EPHA6: variants seen among roughly 807,000 people sequenced by gnomAD.
EPHA6 encodes ephrin type-A receptor 6.
Under a neutral mutation model 112.0 loss-of-function variants are expected in EPHA6, and 50 were observed. That is an observed-to-expected ratio of 0.45 (90% confidence interval 0.36 to 0.56). EPHA6 has a LOEUF of 0.56. Ranked by LOEUF, EPHA6 falls within the 20% of genes least tolerant of loss-of-function variation. The pLI is 0.00. For missense variants in EPHA6, 1,280 were observed against 1,417.4 expected (o/e 0.90, Z 1.56); for synonymous variants, 529 against 490.7 (o/e 1.08, Z -1.03).
chr3:97,271,111 C>G (rs1218504424), intron 5 of EPHA6, among the ~76,000 whole-genome samples: 1 of 152,104 alleles, frequency 6.6e-6, no homozygotes, highest in African/African-American at 2.4e-5. Context: ...AATTTATATC[C>G]AAACAGACAT....
chr3:96,972,279 A>G (rs561138968), intron 2 of EPHA6, among the ~76,000 whole-genome samples: 1 of 152,238 alleles, frequency 6.6e-6, no homozygotes, highest in African/African-American at 2.4e-5. Context: ...TTAGTCTATA[A>G]CTGGGATCTG....
At chr3:97,624,845 A>C (rs1361162193) in intron 13 of EPHA6, among the ~76,000 whole-genome samples, 1 of 151,450 alleles carries the variant, frequency 6.6e-6, no homozygotes, top group African/African-American at 2.4e-5. Flanking sequence ...ACATACAATC[A>C]TTTATAGTAC....
intron 5 of EPHA6, among the ~76,000 whole-genome samples, chr3:97,334,516 G>A (rs1234738996): frequency 1.0e-5 from 1 of 96,678 alleles, no homozygotes; most frequent in Non-Finnish European, 2.0e-5. Flanking sequence ...ACTTTTCTCT[G>A]TCCCCCAGGC....
intron 9 of EPHA6, among the ~76,000 whole-genome samples, chr3:97,483,481 G>T (rs1295543201): frequency 1.3e-5 from 2 of 152,134 alleles, no homozygotes; most frequent in African/African-American, 4.8e-5. Flanking sequence ...TCTGGAAAAG[G>T]GGGAGACCAC....
intron 6 of EPHA6, among the ~76,000 whole-genome samples, chr3:97,423,304 C>A (rs1274253884): frequency 6.6e-6 from 1 of 152,136 alleles, no homozygotes; most frequent in Non-Finnish European, 1.5e-5. Flanking sequence ...ATTTCAACAA[C>A]TTTCAGTATA....
intron 3 of EPHA6, among the ~76,000 whole-genome samples, chr3:97,209,042 A>C (rs918242372): frequency 3.9e-5 from 6 of 152,182 alleles, no homozygotes; most frequent in Non-Finnish European, 8.8e-5. Flanking sequence ...TTTGACTAAT[A>C]AGTGTACATT....
At chr3:96,953,351 A>T (rs762404266) in intron 2 of EPHA6, among the ~76,000 whole-genome samples, 5 of 152,126 alleles carry the variant, frequency 3.3e-5, no homozygotes, top group Non-Finnish European at 4.4e-5. Flanking sequence ...CCAGAATTGT[A>T]TTTGTTTCTA....
chr3:97,596,240 C>G (rs1275399831), intron 12 of EPHA6, among the ~76,000 whole-genome samples: 1 of 152,160 alleles, frequency 6.6e-6, no homozygotes, highest in African/African-American at 2.4e-5. Flanking sequence ...TAAGCTTGCT[C>G]TCTTTGCTCC....
chr3:96,956,827 GT>G (rs1266656507), intron 2 of EPHA6, among the ~76,000 whole-genome samples: 1 of 152,130 alleles, frequency 6.6e-6, no homozygotes, highest in African/African-American at 2.4e-5. Context: ...GAGGTCCGGA[GT>G]TCGAGACCAG....
rs1312693545 is a variant in EPHA6, at chr3:97,761,089, A to G, written c.*12388A>G. 4.8e-6 allele frequency: 1 copy of G among 207,508 alleles called. No homozygotes were observed. Among genetic ancestry groups the G allele is most frequent in the Non-Finnish European group, 9.8e-6 (1 of 101,724 alleles). 12.9% of individuals were successfully genotyped at this position (207,508 alleles called of 1,614,324 possible). Reference sequence around the variant, plus strand: ...TCACAATATGGTAGAGCTATAAACAAGGTAAAAAGGTGTTAACAATTGAAC... The same window carrying G: ...TCACAATATGGTAGAGCTATAAACAGGGTAAAAAGGTGTTAACAATTGAAC... On this transcript the variant is annotated 3_prime_UTR_variant, in exon 18 of 18. Transcript: ENST00000389672.
At chr3:97,257,641 T>C (rs1011363820) in intron 5 of EPHA6, among the ~76,000 whole-genome samples, 1 of 152,056 alleles carries the variant, frequency 6.6e-6, no homozygotes, top group Admixed American at 6.6e-5. Flanking sequence ...ACTTTAAAAT[T>C]ATTATACTCT....
At chr3:97,068,896 A>T (rs2046267017) in intron 3 of EPHA6, among the ~76,000 whole-genome samples, 1 of 152,172 alleles carries the variant, frequency 6.6e-6, no homozygotes. Flanking sequence ...CTGATTTCAG[A>T]CTTCCAGCCT....
chr3:97,462,722 A>G (rs553193931), intron 7 of EPHA6, among the ~76,000 whole-genome samples: 1 of 152,312 alleles, frequency 6.6e-6, no homozygotes, highest in South Asian at 2.1e-4. Context: ...TATTGGATAG[A>G]CACAGTTTTG....
At chr3:97,591,393 T>C (rs1388463666) in intron 11 of EPHA6, among the ~76,000 whole-genome samples, 1 of 152,160 alleles carries the variant, frequency 6.6e-6, no homozygotes, top group Non-Finnish European at 1.5e-5. Flanking sequence ...AGAATTTGTG[T>C]CAAGATACAA....
intron 3 of EPHA6, among the ~76,000 whole-genome samples, chr3:97,183,872 T>G (rs1055728862): frequency 6.6e-6 from 1 of 152,150 alleles, no homozygotes; most frequent in African/African-American, 2.4e-5. Context: ...CTGATATGCC[T>G]TTTACAGCAG....
intron 14 of EPHA6, among the ~76,000 whole-genome samples, chr3:97,702,248 A>G (rs1385283560): frequency 1.3e-5 from 2 of 152,194 alleles, no homozygotes; most frequent in Non-Finnish European, 2.9e-5. Flanking sequence ...TGTGAAGATC[A>G]ATGTGTTAGA....
rs749544921 is a variant in EPHA6, at chr3:96,814,640, C to T, written c.17C>T (p.Pro6Leu). 38 of 1,473,028 alleles carry T rather than the reference C, an allele frequency of 2.6e-5. No homozygotes were observed. In the South Asian group the frequency reaches 5.2e-4, roughly 20 times the overall value. 91.2% of individuals were successfully genotyped at this position (1,473,028 alleles called of 1,614,324 possible). Residue 6 changes from proline to leucine, a missense_variant, in exon 1 of 18, where the codon CCT becomes CTT. Physicochemically the swap from Pro to Leu is moderately conservative, Grantham distance 98. Coordinates refer to ENST00000389672, the MANE Select transcript of EPHA6 (RefSeq NM_001080448.3). The part of the protein sequence containing the change: MQFPS[P>L]PAARSSPAPQ... ...CTGTGGTGGATGCAATTCCCCTCGC[C>T]TCCAGCCGCGAGGAGCTCCCCGGCG...
chr3:97,382,696 A>G (rs1051694592), intron 5 of EPHA6, among the ~76,000 whole-genome samples: 6 of 152,048 alleles, frequency 3.9e-5, no homozygotes, highest in African/African-American at 1.4e-4. Flanking sequence ...ATACAAAAAG[A>G]GACTTTATGA....
chr3:97,039,139 C>G (rs1160091477), intron 3 of EPHA6, among the ~76,000 whole-genome samples: 1 of 151,904 alleles, frequency 6.6e-6, no homozygotes, highest in African/African-American at 2.4e-5. Context: ...CAAAATATGG[C>G]AATGGATGTG....
Sources: allele counts gnomAD v4.1 joint callset (sites outside exome capture counted in the v4.1 genomes callset), GRCh38; gene constraint gnomAD v4.1.1; transcripts MANE v1.5; gene names NCBI Gene and HGNC (gene_info 2026-07-23, HGNC 2026-07-21).